Variants in PCDHA6 observed in about 807,000 individuals in gnomAD.
The protein encoded by PCDHA6 is protocadherin alpha 6.
In PCDHA6, 55 loss-of-function variants were observed where a neutral mutation model predicts 60.3. The observed-to-expected ratio is 0.91, with a 90% CI of 0.73 to 1.14. The LOEUF is 1.14. Ranked by LOEUF, PCDHA6 falls within the 50% of genes most tolerant of loss-of-function variation. The probability of loss-of-function intolerance (pLI) is 0.00; values close to 1 mark genes in which losing one functional copy is unlikely to be tolerated. For synonymous variants in PCDHA6, 652 were observed against 557.9 expected, an observed-to-expected ratio of 1.17 and a Z score of -2.38; for missense variants, 1,327 against 1,256.5, an observed-to-expected ratio of 1.06 and a Z score of -0.85.
intron 1 of PCDHA6, among the ~76,000 whole-genome samples, chr5:140,956,797 G>T (rs1224324866): frequency 6.6e-6 from 1 of 152,040 alleles, no homozygotes; most frequent in Non-Finnish European, 1.5e-5. Flanking sequence ...TGCTTGGTGG[G>T]CTATTTATTA....
chr5:140,881,505 CACAT>C (rs2058738073), intron 1 of PCDHA6: 1 of 242,822 alleles, frequency 4.1e-6, no homozygotes, highest in African/African-American at 2.3e-5. Flanking sequence ...TACACACACT[CACAT>C]ACAAAATCCC....
At chr5:141,004,303 T>C (rs2098161196) in intron 3 of PCDHA6, among the ~76,000 whole-genome samples, 2 of 152,178 alleles carry the variant, frequency 1.3e-5, no homozygotes, top group South Asian at 4.1e-4. Context: ...GATGTTTGTT[T>C]TATACAACAA....
intron 1 of PCDHA6, chr5:140,876,679 A>T (rs782671923): frequency 2.5e-6 from 4 of 1,614,118 alleles, no homozygotes; most frequent in Non-Finnish European, 3.4e-6. Flanking sequence ...CACCTACAAG[A>T]ATTACTACTC....
chr5:140,849,699 A>G, intron 1 of PCDHA6: 1 of 1,598,608 alleles, frequency 6.3e-7, no homozygotes, highest in Non-Finnish European at 8.6e-7. Flanking sequence ...GTCCACCTAC[A>G]AGAATTACTA....
chr5:141,001,946 G>A (rs1554258360), intron 3 of PCDHA6, among the ~76,000 whole-genome samples: 4 of 147,266 alleles, frequency 2.7e-5, no homozygotes, highest in African/African-American at 1.1e-4. Flanking sequence ...CGGAAATAAG[G>A]AGGAGGGAGA....
chr5:141,009,717 A>C lies in PCDHA6; in HGVS notation c.2633A>C (p.Gln878Pro). Residue 878 changes from glutamine to proline, a missense_variant, in exon 4 of 4, where the codon CAA becomes CCA. Coordinates refer to ENST00000529310, the MANE Select transcript of PCDHA6 (RefSeq NM_018909.4). ...AAATACGGACCAGGCAACCCCAAAC[A>C]ATCCGGTCCCGGTGAGTTGCCCGAC... ...TFKYGPGNPK[Q>P]SGPGELPDKF... is the part of the protein sequence containing the mutation. 4 of 1,614,058 alleles carry C rather than the reference A, an allele frequency of 2.5e-6. No homozygotes were observed. The highest frequency in any genetic ancestry group is 3.4e-6 in the Non-Finnish European group (4 of 1,180,004).
chr5:140,828,078 C>T lies in PCDHA6; in HGVS notation c.-14C>T, dbSNP rs1554130999. 5.7e-6 allele frequency: 9 copies of T among 1,577,554 alleles called. No individual in the cohort carries two copies. Among genetic ancestry groups the T allele is most frequent in the South Asian group, 4.7e-5 (4 of 85,204 alleles). On this transcript the variant is annotated 5_prime_UTR_variant, in exon 1 of 4. Transcript: ENST00000529310. ...GAAGATCTTCTAATGGAAATAAAAC[C>T]AGAGGTATTTGACATGGTGTTTACC...
At chr5:140,876,042 AT>A in intron 1 of PCDHA6, 1 of 1,613,902 alleles carries the variant, frequency 6.2e-7, no homozygotes, top group Non-Finnish European at 8.5e-7. Flanking sequence ...ATAAAAGTAT[AT>A]TGCCTGAATT....
At position 141,012,023 on chromosome 5, in the gene PCDHA6, C is replaced by T. The variant is rs1174206729; in HGVS notation, c.*2086C>T. On this transcript the variant is annotated 3_prime_UTR_variant, in exon 4 of 4. Coordinates refer to ENST00000529310, the MANE Select transcript of PCDHA6 (RefSeq NM_018909.4). ...TATTTTGAAGGGTGTGTAACTTCAGCTCTGCAGGATTGCATGGGGTAAAAC... is the reference window on the plus strand; with the variant it reads ...TATTTTGAAGGGTGTGTAACTTCAGTTCTGCAGGATTGCATGGGGTAAAAC... The T allele has an allele frequency of 6.5e-6, 1 of 153,700 alleles. No individual in the cohort carries two copies. The highest frequency in any genetic ancestry group is 1.5e-5 in the Non-Finnish European group (1 of 68,026). The allele number at this position is 153,700 out of a possible 1,614,324, so 9.5% of individuals were successfully genotyped here.
chr5:140,863,783 G>C, intron 1 of PCDHA6: 1 of 226,522 alleles, frequency 4.4e-6, no homozygotes, highest in Non-Finnish European at 8.8e-6. Context: ...CGGATCACTC[G>C]AGGCCAGGAG....
At chr5:140,968,263 G>A (rs782272055) in intron 1 of PCDHA6, 20 of 1,613,978 alleles carry the variant, frequency 1.2e-5, no homozygotes, top group Middle Eastern at 3.3e-4. Flanking sequence ...CAGATGAAAA[G>A]GAGAATGCAG....
In PCDHA6 at chr5:141,012,200, T is replaced by A. The variant is rs2098423248; in HGVS notation, c.*2263T>A. On this transcript the variant is annotated 3_prime_UTR_variant, in exon 4 of 4. Coordinates refer to ENST00000529310, the MANE Select transcript of PCDHA6 (RefSeq NM_018909.4). The stretch of plus-strand genomic sequence containing the variant: ...TAATTATAATGTATCTGTACAGCAC[T>A]TTTTACATTTGCGAAGTGCTTTCCA... 6.5e-6 allele frequency: 1 copy of A among 153,778 alleles called. No homozygotes were observed. The highest frequency in any genetic ancestry group is 1.5e-5 in the Non-Finnish European group (1 of 68,048). 9.5% of individuals were successfully genotyped at this position (153,778 alleles called of 1,614,324 possible). A position where few individuals can be genotyped will look rare whatever the true frequency, so the allele number is the denominator to read the frequency against.
Position 140,842,900 on chromosome 5 carries a change from G to A in PCDHA6, c.2394+12415G>A, listed in dbSNP as rs2150347456. ...CGCGCTGCAGCCGCTGGACCACGAG[G>A]AGCTAGAGCTGCTGCAGTTCCAGGT... On this transcript the variant is annotated intron_variant, in intron 1 of 3. Transcript: ENST00000529310. 6.3e-7 allele frequency: 1 copy of A among 1,594,414 alleles called. No homozygotes were observed. The highest frequency in any genetic ancestry group is 2.2e-5 in the East Asian group (1 of 44,796).
In PCDHA6 at chr5:140,829,303, C is replaced by T; in HGVS notation, c.1212C>T (p.Tyr404=). 1.2e-6 allele frequency: 2 copies of T among 1,614,248 alleles called. No homozygotes were observed. The highest frequency in any genetic ancestry group is 1.7e-6 in the Non-Finnish European group (2 of 1,180,050). The change falls in exon 1 of 4, where the codon TAC becomes TAT. Residue 404 remains tyrosine (Y), a synonymous_variant. Coordinates refer to ENST00000529310, the MANE Select transcript of PCDHA6 (RefSeq NM_018909.4). ...PFKLVSTFKN[Y]YSLVLDSALD... The stretch of plus-strand genomic sequence containing the variant: ...AGCTGGTGTCCACCTTCAAGAATTA[C>T]TACTCGTTGGTGCTGGACAGTGCCC...
Position 140,843,584 on chromosome 5 carries a change from C to T in PCDHA6, c.2394+13099C>T. On this transcript the variant is annotated intron_variant, in intron 1 of 3. Coordinates refer to ENST00000529310, the MANE Select transcript of PCDHA6 (RefSeq NM_018909.4). The stretch of plus-strand genomic sequence containing the variant: ...GAGCTGGTCATACTCGCAACAACAG[C>T]CGCAGAGGGTGTGCTCTGGTGAGGG... 1.9e-6 allele frequency: 3 copies of T among 1,595,998 alleles called. No homozygotes were observed. In the East Asian group the frequency reaches 6.7e-5, roughly 36 times the overall value.
At chr5:140,983,771 A>G (rs963720761) in intron 3 of PCDHA6, among the ~76,000 whole-genome samples, 2 of 152,222 alleles carry the variant, frequency 1.3e-5, no homozygotes, top group Admixed American at 6.5e-5. Flanking sequence ...ATACATATCT[A>G]CATACATAAC....
intron 3 of PCDHA6, among the ~76,000 whole-genome samples, chr5:141,000,387 CTCTCTCTCTA>C (rs1244377903): frequency 2.3e-3 from 152 of 66,802 alleles, no homozygotes; most frequent in African/African-American, 4.6e-3. Flanking sequence ...CTCTCTCTCT[CTCTCTCTCTA>C]TATATATATA....
intron 1 of PCDHA6, chr5:140,863,746 C>T (rs902419131): frequency 8.2e-6 from 2 of 244,508 alleles, no homozygotes; most frequent in Non-Finnish European, 1.6e-5. Context: ...TATTTGTAAT[C>T]CCGGCACTTT....
intron 1 of PCDHA6, chr5:140,847,946 T>C (rs1180480457): frequency 6.6e-6 from 1 of 151,812 alleles, no homozygotes; most frequent in Non-Finnish European, 1.5e-5. Context: ...CCTGGATTTC[T>C]CTTACACTAG....
Sources: allele counts gnomAD v4.1 joint callset (sites outside exome capture counted in the v4.1 genomes callset), GRCh38; gene constraint gnomAD v4.1.1; transcripts MANE v1.5; gene names NCBI Gene and HGNC (gene_info 2026-07-23, HGNC 2026-07-21).